The following EGFR variants were observed in gnomAD, a reference collection of about 807,000 sequenced individuals.
EGFR encodes avian erythroblastic leukemia viral (v-erb-b) oncogene homolog.
EGFR carries 58 observed loss-of-function variants against 143.0 expected under a neutral mutation model. That is an observed-to-expected ratio of 0.41 (90% CI 0.33 to 0.50). The LOEUF (loss-of-function observed/expected upper bound fraction) is 0.50, where lower values mean the gene tolerates loss of function less well. EGFR is among the 20% of genes least tolerant of loss of function. The pLI, the probability that EGFR is intolerant of heterozygous loss-of-function variation, is 0.39. For missense variants in EGFR, 1,307 were observed against 1,579.0 expected, an observed-to-expected ratio of 0.83 and a Z score of 2.92; for synonymous variants, 613 against 594.4, an observed-to-expected ratio of 1.03 and a Z score of -0.45.
intron 1 of EGFR, among the ~76,000 whole-genome samples, chr7:55,044,629 G>A (rs1788087047): frequency 1.3e-5 from 2 of 152,202 alleles, no homozygotes; most frequent in South Asian, 4.1e-4. Context: ...GGGCAGGGCA[G>A]GTGACCAAGG....
chr7:55,116,683 T>C (rs1398374371), intron 1 of EGFR, among the ~76,000 whole-genome samples: 1 of 152,246 alleles, frequency 6.6e-6, no homozygotes, highest in Non-Finnish European at 1.5e-5. Flanking sequence ...GGGACAGGGC[T>C]ACCACCATCC....
chr7:55,203,717 C>G (rs565488276), intron 27 of EGFR, among the ~76,000 whole-genome samples: 1 of 137,022 alleles, frequency 7.3e-6, no homozygotes, highest in Non-Finnish European at 1.7e-5. Flanking sequence ...CATACACACA[C>G]GTAGACACAC....
chr7:55,201,723 T>C lies in EGFR; in HGVS notation c.3115-12T>C. On this transcript the variant is annotated splice_polypyrimidine_tract_variant and intron_variant, in intron 25 of 27. Coordinates refer to ENST00000275493, the MANE Select transcript of EGFR (RefSeq NM_005228.5). ...AAGCATTCCATGGGCAACTTCTCTGTTTCTTTTTCAGAGTGCAACCAGCAA... is the reference window on the plus strand; with the variant it reads ...AAGCATTCCATGGGCAACTTCTCTGCTTCTTTTTCAGAGTGCAACCAGCAA... 6.2e-7 allele frequency: 1 copy of C among 1,614,210 alleles called. No homozygotes were observed. Among genetic ancestry groups the C allele is most frequent in the Non-Finnish European group, 8.5e-7 (1 of 1,180,028 alleles).
chr7:55,132,242 G>A (rs749786499), intron 1 of EGFR, among the ~76,000 whole-genome samples: 3 of 152,146 alleles, frequency 2.0e-5, no homozygotes, highest in Non-Finnish European at 4.4e-5. Flanking sequence ...CCCCACGGAA[G>A]CCAAACAAAA....
chr7:55,192,633 C>A, intron 21 of EGFR, 133 bp from the exon 22 acceptor site: 1 of 800,826 alleles, frequency 1.2e-6, no homozygotes, highest in Non-Finnish European at 2.1e-6. Context: ...AGGCGCCGGG[C>A]CTGGGGGACG....
chr7:55,128,407 A>G (rs1276420528), intron 1 of EGFR, among the ~76,000 whole-genome samples: 1 of 152,268 alleles, frequency 6.6e-6, no homozygotes, highest in Non-Finnish European at 1.5e-5. Flanking sequence ...AAGCTATTTA[A>G]GAAAGTTTGC....
chr7:55,082,206 G>A (rs1790502993), intron 1 of EGFR, among the ~76,000 whole-genome samples: 1 of 152,182 alleles, frequency 6.6e-6, no homozygotes, highest in Non-Finnish European at 1.5e-5. Context: ...AAAGCTGTTA[G>A]AGTGTCAGAT....
At chr7:55,093,554 T>C (rs1791262589) in intron 1 of EGFR, among the ~76,000 whole-genome samples, 1 of 152,214 alleles carries the variant, frequency 6.6e-6, no homozygotes, top group Admixed American at 6.5e-5. Flanking sequence ...CCGACCGTGA[T>C]GCGCCTCAGC....
chr7:55,200,397 G>A lies in EGFR; in HGVS notation c.2930G>A (p.Arg977His), dbSNP rs745490627. Residue 977 changes from arginine to histidine, a missense_variant, in exon 24 of 28, where the codon CGC becomes CAC. Arg to His is a conservative substitution (Grantham distance 29). Around this residue, in one of 7 missense-constraint regions of EGFR, gnomAD observed 313 missense variants for 312.3 expected, o/e 1.00. Coordinates refer to ENST00000275493, the MANE Select transcript of EGFR (RefSeq NM_005228.5). ...TCCAAAATGGCCCGAGACCCCCAGC[G>A]CTACCTTGTCATTCAGGTACAAATT... is the stretch of plus-strand genomic sequence containing the variant. Reference protein sequence around the residue: ...EFSKMARDPQRYLVIQGDERM... With the variant: ...EFSKMARDPQHYLVIQGDERM... 4.3e-6 allele frequency: 7 copies of A among 1,613,934 alleles called. No individual in the cohort carries two copies. Among genetic ancestry groups the A allele is most frequent in the Non-Finnish European group, 3.4e-6 (4 of 1,180,012 alleles).
chr7:55,037,943 A>T (rs1330612071), intron 1 of EGFR, among the ~76,000 whole-genome samples: 1 of 152,122 alleles, frequency 6.6e-6, no homozygotes. Context: ...CCGCGATTCC[A>T]CTCCAGCATT....
chr7:55,145,210 C>A (rs376766332), intron 3 of EGFR, among the ~76,000 whole-genome samples: 1 of 152,298 alleles, frequency 6.6e-6, no homozygotes, highest in Non-Finnish European at 1.5e-5. Flanking sequence ...CCTCGCCCCG[C>A]CCCCTGCTCT....
intron 1 of EGFR, among the ~76,000 whole-genome samples, chr7:55,139,851 T>C (rs1178256443): frequency 2.0e-5 from 3 of 152,182 alleles, no homozygotes; most frequent in Non-Finnish European, 4.4e-5. Flanking sequence ...CAAAATGTTT[T>C]GTGAATTAAG....
intron 1 of EGFR, among the ~76,000 whole-genome samples, chr7:55,059,212 A>C (rs1307437707): frequency 6.6e-6 from 1 of 152,242 alleles, no homozygotes; most frequent in African/African-American, 2.4e-5. Flanking sequence ...GATCTCTGTT[A>C]TCTCCTTGGC....
At chr7:55,158,471 T>G (rs2128940310) in intron 11 of EGFR, among the ~76,000 whole-genome samples, 1 of 152,308 alleles carries the variant, frequency 6.6e-6, no homozygotes, top group South Asian at 2.1e-4. Flanking sequence ...TTGCCTCCCA[T>G]AAACTCCCTT....
At chr7:55,112,813 T>C (rs1166826503) in intron 1 of EGFR, among the ~76,000 whole-genome samples, 1 of 152,222 alleles carries the variant, frequency 6.6e-6, no homozygotes, top group Non-Finnish European at 1.5e-5. Context: ...GGGACTGGAA[T>C]CCCAGACCCC....
At chr7:55,136,547 C>A (rs572449196) in intron 1 of EGFR, among the ~76,000 whole-genome samples, 2 of 152,298 alleles carry the variant, frequency 1.3e-5, no homozygotes, top group East Asian at 3.9e-4. Flanking sequence ...GTCCAATAAG[C>A]TATCTATATA....
chr7:55,159,308 G>A (rs761303601), intron 11 of EGFR, among the ~76,000 whole-genome samples: 12 of 152,150 alleles, frequency 7.9e-5, no homozygotes, highest in Admixed American at 2.6e-4. Context: ...CACACCCATC[G>A]TGGTCTGGCT....
intron 3 of EGFR, among the ~76,000 whole-genome samples, chr7:55,146,152 T>C (rs1794747793): frequency 6.6e-6 from 1 of 151,988 alleles, no homozygotes; most frequent in Non-Finnish European, 1.5e-5. Flanking sequence ...AATGAAAAGC[T>C]CCGCCTGGGC....
rs147732025 is a variant in EGFR, at chr7:55,160,278, C to G, written c.1438C>G (p.Leu480Val). Residue 480 changes from leucine (L) to valine (V), a missense_variant, in exon 12 of 28, where the codon CTG (leucine) becomes GTG (valine). Leu to Val is a conservative substitution (Grantham distance 32). Around this residue, in one of 7 missense-constraint regions of EGFR, gnomAD observed 250 missense variants for 295.1 expected, o/e 0.85. Transcript: ENST00000275493. ...TGCAAATACAATAAACTGGAAAAAA[C>G]TGTTTGGGACCTCCGGTCAGAAAAC... ...CYANTINWKK[L>V]FGTSGQKTKI... is the part of the protein sequence containing the mutation. 5.0e-6 allele frequency: 8 copies of G among 1,613,890 alleles called. No individual in the cohort carries two copies. The African/African-American group carries it at 1.1e-4, about 22-fold the overall frequency.
Sources: allele counts gnomAD v4.1 joint callset (sites outside exome capture counted in the v4.1 genomes callset), GRCh38; gene constraint gnomAD v4.1.1; regional missense constraint gnomAD v4.1.1; transcripts MANE v1.5; gene names NCBI Gene and HGNC (gene_info 2026-07-23, HGNC 2026-07-21).